PARVB: variants seen among roughly 807,000 people sequenced by gnomAD.
PARVB encodes the protein parvin beta.
PARVB carries 46 observed loss-of-function variants against 47.0 expected under a neutral mutation model. The ratio of observed to expected loss-of-function variants is 0.98; its 90% CI spans 0.77 to 1.25. PARVB has a LOEUF of 1.25. PARVB is among the 50% of genes most tolerant of loss of function. PARVB has a pLI of 0.00. For synonymous variants in PARVB, 196 were observed against 196.3 expected, an observed-to-expected ratio of 1.00 and a Z score of 0.01; for missense variants, 473 against 471.6, an observed-to-expected ratio of 1.00 and a Z score of -0.03.
At chr22:44,152,581 A>C (rs1466017100) in intron 10 of PARVB, 2 of 152,266 alleles carry the variant, frequency 1.3e-5, no homozygotes, top group Non-Finnish European at 1.5e-5. Flanking sequence ...CTGCTGTCAC[A>C]CTGTGGCCAG....
chr22:44,078,480 A>G (rs543659333), intron 1 of PARVB, among the ~76,000 whole-genome samples: 3 of 152,272 alleles, frequency 2.0e-5, no homozygotes, highest in South Asian at 2.1e-4. Context: ...TAAGGGAGGT[A>G]TCTGGACCTA....
At chr22:44,127,993 C>T (rs1372218759) in intron 4 of PARVB, among the ~76,000 whole-genome samples, 3 of 152,218 alleles carry the variant, frequency 2.0e-5, no homozygotes, top group East Asian at 3.9e-4. Context: ...GCCATGTTGC[C>T]CAGGCTAGTC....
intron 1 of PARVB, among the ~76,000 whole-genome samples, chr22:44,091,974 C>T (rs1365207318): frequency 2.6e-5 from 4 of 152,102 alleles, no homozygotes; most frequent in Non-Finnish European, 5.9e-5. Context: ...GGTCCACGGT[C>T]ACGTCCTGAG....
At chr22:44,119,846 A>G in intron 4 of PARVB, 1 of 532,146 alleles carries the variant, frequency 1.9e-6, no homozygotes, top group Non-Finnish European at 3.8e-6. Flanking sequence ...TTCTGAGTAG[A>G]GGACGCCGGC....
intron 3 of PARVB, chr22:44,112,161 C>G (rs1439251704): frequency 6.6e-6 from 1 of 152,184 alleles, no homozygotes; most frequent in Non-Finnish European, 1.5e-5. Context: ...AAACAAAAAC[C>G]AAACCCATAA....
At chr22:44,091,775 C>T (rs1052931283) in intron 1 of PARVB, among the ~76,000 whole-genome samples, 1 of 152,202 alleles carries the variant, frequency 6.6e-6, no homozygotes, top group Non-Finnish European at 1.5e-5. Flanking sequence ...AAGGTTCCCT[C>T]GAATCAAAGA....
intron 1 of PARVB, among the ~76,000 whole-genome samples, chr22:44,050,483 A>T (rs1047147952): frequency 1.3e-5 from 2 of 151,938 alleles, no homozygotes; most frequent in Non-Finnish European, 2.9e-5. Context: ...AGCTGGGATT[A>T]CAGGTGCCTG....
chr22:44,097,010 C>T (rs2052324103), intron 2 of PARVB, among the ~76,000 whole-genome samples: 1 of 152,112 alleles, frequency 6.6e-6, no homozygotes, highest in Admixed American at 6.5e-5. Context: ...TTGCTGTACC[C>T]ACTGTGGTGT....
intron 2 of PARVB, among the ~76,000 whole-genome samples, chr22:44,099,077 C>G (rs2052378716): frequency 6.6e-6 from 1 of 152,194 alleles, no homozygotes; most frequent in South Asian, 2.1e-4. Context: ...CTGGCCATCT[C>G]CACTTGTATG....
chr22:44,099,612 A>G (rs2052393769), intron 2 of PARVB, among the ~76,000 whole-genome samples: 1 of 152,106 alleles, frequency 6.6e-6, no homozygotes, highest in Admixed American at 6.5e-5. Context: ...TTTCCATGGA[A>G]TGTACCAAAC....
intron 8 of PARVB, chr22:44,144,281 G>C (rs990020134): frequency 1.8e-4 from 27 of 152,268 alleles, no homozygotes; most frequent in African/African-American, 6.5e-4. Flanking sequence ...AAAGAGGAGA[G>C]TGTCTAGATT....
At chr22:44,154,434 C>A (rs1422180356) in intron 10 of PARVB, among the ~76,000 whole-genome samples, 1 of 151,966 alleles carries the variant, frequency 6.6e-6, no homozygotes, top group Non-Finnish European at 1.5e-5. Context: ...TCTTCAATTT[C>A]TATTTGTGTG....
intron 4 of PARVB, among the ~76,000 whole-genome samples, chr22:44,124,540 G>A (rs1387019530): frequency 6.6e-6 from 1 of 151,950 alleles, no homozygotes; most frequent in African/African-American, 2.4e-5. Context: ...CTGGTGGAAG[G>A]GTCTCCCTGG....
intron 3 of PARVB, among the ~76,000 whole-genome samples, chr22:44,100,749 C>T (rs1390570934): frequency 6.6e-6 from 1 of 152,118 alleles, no homozygotes; most frequent in Non-Finnish European, 1.5e-5. Flanking sequence ...TTGTGTGGGT[C>T]CAAGGACAGA....
At chr22:44,095,931 G>A (rs2052294276) in intron 2 of PARVB, among the ~76,000 whole-genome samples, 1 of 152,188 alleles carries the variant, frequency 6.6e-6, no homozygotes, top group South Asian at 2.1e-4. Context: ...CCGCTTAGAA[G>A]AGAGTGGCCC....
chr22:44,042,105 A>T (rs1383108057), intron 1 of PARVB, among the ~76,000 whole-genome samples: 1 of 151,998 alleles, frequency 6.6e-6, no homozygotes, highest in Non-Finnish European at 1.5e-5. Context: ...GCCATATGAC[A>T]TATTGGGAGA....
upstream of PARVB, among the ~76,000 whole-genome samples, chr22:44,021,134 G>A (rs751548039): frequency 6.6e-6 from 1 of 152,182 alleles, no homozygotes; most frequent in Non-Finnish European, 1.5e-5. Context: ...ATTGAAGCTG[G>A]ACAACCATGT....
At chr22:44,081,269 A>C (rs2051892901) in intron 1 of PARVB, among the ~76,000 whole-genome samples, 1 of 151,770 alleles carries the variant, frequency 6.6e-6, no homozygotes, top group Non-Finnish European at 1.5e-5. Flanking sequence ...CCCCAAATCC[A>C]CCTGCTTTTG....
intron 4 of PARVB, among the ~76,000 whole-genome samples, chr22:44,128,185 T>C (rs574477350): frequency 6.6e-6 from 1 of 152,304 alleles, no homozygotes; most frequent in South Asian, 2.1e-4. Flanking sequence ...AGTGCAGCCC[T>C]CAAGGTAGAC....
Sources: allele counts gnomAD v4.1 joint callset (sites outside exome capture counted in the v4.1 genomes callset), GRCh38; gene constraint gnomAD v4.1.1; transcripts MANE v1.5; gene names NCBI Gene and HGNC (gene_info 2026-07-23, HGNC 2026-07-21).